The following C3orf52 variants were observed in gnomAD, a reference collection of about 807,000 sequenced individuals.
C3orf52 encodes chromosome 3 open reading frame 52.
Under a neutral mutation model 24.8 loss-of-function variants are expected in C3orf52, and 22 were observed. The ratio of observed to expected loss-of-function variants is 0.89; its 90% CI spans 0.63 to 1.27. The LOEUF (loss-of-function observed/expected upper bound fraction) is 1.27, where lower values mean the gene tolerates loss of function less well. C3orf52 is among the 50% of genes most tolerant of loss of function. The probability of loss-of-function intolerance (pLI) is 0.00; values close to 1 mark genes in which losing one functional copy is unlikely to be tolerated. For synonymous variants in C3orf52, 93 were observed against 100.2 expected (o/e 0.93, Z 0.43); for missense variants, 265 against 260.7 (o/e 1.02, Z -0.11).
chr3:112,123,380 A>G (rs1470743620), intron 4 of C3orf52: 6 of 1,559,802 alleles, frequency 3.8e-6, no homozygotes, highest in South Asian at 2.5e-5. Context: ...TTTGTGTCCC[A>G]TCCCTGCTTC....
intron 4 of C3orf52, chr3:112,127,165 ATGAGT>A: frequency 3.5e-6 from 2 of 572,764 alleles, no homozygotes; most frequent in South Asian, 2.5e-5. Flanking sequence ...TTCAGCATAG[ATGAGT>A]TAAGTAAAAA....
At chr3:112,130,545 T>A, downstream of C3orf52, 1 of 1,594,914 alleles carries the variant, frequency 6.3e-7, no homozygotes. Context: ...ACAGGCTAAG[T>A]ATTTCCTAAA....
chr3:112,104,843 C>G (rs6790318), intron 3 of C3orf52, among the ~76,000 whole-genome samples: 9,341 of 152,178 alleles, frequency 0.061, 392 homozygotes, highest in African/African-American at 0.12. Flanking sequence ...CTTATCTTCA[C>G]CTCCTTTTCT....
rs184291500 is a variant in C3orf52 at position 112,088,009 on chromosome 3, G to T, written c.138+1464G>T. Among the ~76,000 whole-genome samples, 7 of 152,246 alleles carry T rather than the reference G, an allele frequency of 4.6e-5. No homozygotes were observed. The East Asian group carries it at 1.4e-3, about 29-fold the overall frequency. ...GGTAGAACAAGCCAAATCCATGCAG[G>T]GTTATCAGTATTCTGTAATTGTTTA... On this transcript the variant is annotated intron_variant, in intron 1 of 5. Coordinates refer to ENST00000264848, the MANE Select transcript of C3orf52 (RefSeq NM_024616.3).
At chr3:112,130,193 G>C (rs1212035812), downstream of C3orf52, 1 of 498,746 alleles carries the variant, frequency 2.0e-6, no homozygotes, top group Non-Finnish European at 3.6e-6. Flanking sequence ...TTTTATAACA[G>C]GGCATAACAG....
At chr3:112,131,964 A>T (rs1355250287), downstream of C3orf52, among the ~76,000 whole-genome samples, 1 of 152,178 alleles carries the variant, frequency 6.6e-6, no homozygotes, top group African/African-American at 2.4e-5. Flanking sequence ...AAGTAAAAAA[A>T]TTTTTTTAAA....
intron 2 of C3orf52, among the ~76,000 whole-genome samples, chr3:112,100,482 G>T (rs1396187673): frequency 2.0e-5 from 3 of 152,190 alleles, no homozygotes; most frequent in Non-Finnish European, 4.4e-5. Context: ...CAACTATTTA[G>T]ATAGGTCTTG....
At chr3:112,086,861 G>A (rs1054044675) in intron 1 of C3orf52, among the ~76,000 whole-genome samples, 5 of 152,192 alleles carry the variant, frequency 3.3e-5, no homozygotes, top group Non-Finnish European at 7.3e-5. Context: ...TTAAAGTTAT[G>A]TAACTTTTAA....
chr3:112,096,170 C>T (rs557045691), intron 2 of C3orf52, among the ~76,000 whole-genome samples: 1 of 152,306 alleles, frequency 6.6e-6, no homozygotes, highest in South Asian at 2.1e-4. Context: ...GAAGTGTTAA[C>T]TTTTGTTCTT....
chr3:112,103,360 G>T (rs2073993167), intron 3 of C3orf52, among the ~76,000 whole-genome samples: 1 of 152,150 alleles, frequency 6.6e-6, no homozygotes, highest in Non-Finnish European at 1.5e-5. Flanking sequence ...ATTCTCCTGA[G>T]CCTAAAATAA....
In C3orf52 at chr3:112,107,114, G is replaced by C. The variant is rs137866598; in HGVS notation, c.397-2429G>C. Among the ~76,000 whole-genome samples the C allele has an allele frequency of 9.2e-5, 14 of 152,246 alleles. No homozygotes were observed. The East Asian group carries it at 2.7e-3, about 29-fold the overall frequency. The stretch of plus-strand genomic sequence containing the variant: ...TCGAGTGAACACTAAAAATGATTTA[G>C]TCGACCACTCCATATGTTACCTTAA... On this transcript the variant is annotated intron_variant, in intron 3 of 5. Transcript: ENST00000264848.
rs1010151022 is a variant in C3orf52, at chr3:112,086,592, T to C, written c.138+47T>C. 2.9e-6 allele frequency: 4 copies of C among 1,400,076 alleles called. No individual in the cohort carries two copies. The African/African-American group carries it at 9.4e-5, about 33-fold the overall frequency. The allele number at this position is 1,400,076 out of a possible 1,614,324, so 86.7% of individuals were successfully genotyped here. On this transcript the variant is annotated intron_variant, in intron 1 of 5. Transcript: ENST00000264848. ...CCCTAACTTGCCGGCGGCGGGACAG[T>C]AGTAGGACCCGGGCCTGGCACCCGC... is the stretch of plus-strand genomic sequence containing the variant.
intron 4 of C3orf52, chr3:112,126,913 G>A: frequency 9.7e-7 from 1 of 1,027,812 alleles, no homozygotes; most frequent in Non-Finnish European, 1.5e-6. Flanking sequence ...AGGGGCTTTG[G>A]GAACATAGAG....
rs552234316 is a variant in C3orf52, at chr3:112,107,694, G to A, written c.397-1849G>A. On this transcript the variant is annotated intron_variant, in intron 3 of 5. Coordinates refer to ENST00000264848, the MANE Select transcript of C3orf52 (RefSeq NM_024616.3). ...CTGGGACAGGTTTTCTTCATCTCAT[G>A]GAATGGAGTGCTGTTTAATTTTCCA... Among the ~76,000 whole-genome samples the A allele has an allele frequency of 6.6e-5, 10 of 152,294 alleles. No homozygotes were observed. In the East Asian group the frequency reaches 1.2e-3, roughly 18 times the overall value.
chr3:112,098,197 A>G (rs1048643923), intron 2 of C3orf52, among the ~76,000 whole-genome samples: 3 of 151,996 alleles, frequency 2.0e-5, no homozygotes, highest in African/African-American at 4.8e-5. Context: ...TTGGTTCCCA[A>G]TTTTTCTTCC....
intron 1 of C3orf52, among the ~76,000 whole-genome samples, chr3:112,092,050 AG>A (rs1439883607): frequency 6.7e-6 from 1 of 150,262 alleles, no homozygotes; most frequent in Admixed American, 6.6e-5. Flanking sequence ...AAAGCAGGCC[AG>A]GTGGCCAGGT....
intron 4 of C3orf52, chr3:112,128,173 G>A (rs767910710): frequency 1.2e-4 from 105 of 879,196 alleles, no homozygotes; most frequent in South Asian, 2.5e-4. Context: ...CCCCGCAAGC[G>A]TGTTTCATTC....
chr3:112,108,672 T>C (rs980974552), intron 3 of C3orf52, among the ~76,000 whole-genome samples: 1 of 152,226 alleles, frequency 6.6e-6, no homozygotes, highest in Non-Finnish European at 1.5e-5. Flanking sequence ...ATTTACTTTA[T>C]GGGTAAATCT....
At chr3:112,128,718 A>G (rs1492485) in exon 5 of C3orf52, 55,968 of 161,544 alleles carry the variant, frequency 0.35, 9,893 homozygotes, top group East Asian at 0.43. Context: ...CTTGACTCCA[A>G]CGATATAGTT....
Sources: allele counts gnomAD v4.1 joint callset (sites outside exome capture counted in the v4.1 genomes callset), GRCh38; gene constraint gnomAD v4.1.1; transcripts MANE v1.5; gene names NCBI Gene and HGNC (gene_info 2026-07-23, HGNC 2026-07-21).